Variants in CPA6 observed in about 807,000 individuals in gnomAD.
CPA6 encodes the protein carboxypeptidase A6, also known as carboxypeptidase B.
A neutral mutation model predicts 63.3 loss-of-function variants in CPA6; 58 were observed. The ratio of observed to expected loss-of-function variants is 0.92; its 90% CI spans 0.74 to 1.14. The LOEUF is 1.14. Ranked by LOEUF, CPA6 falls within the 50% of genes most tolerant of loss-of-function variation. CPA6 has a pLI of 0.00. For missense variants in CPA6, 565 were observed against 526.6 expected (o/e 1.07, Z -0.71); for synonymous variants, 185 against 179.0 (o/e 1.03, Z -0.27).
At chr8:67,640,979 T>C (rs1469841681) in intron 1 of CPA6, among the ~76,000 whole-genome samples, 3 of 151,660 alleles carry the variant, frequency 2.0e-5, no homozygotes, top group Non-Finnish European at 4.4e-5. Flanking sequence ...TGGGAGCACG[T>C]CCTGCCCAGC....
intron 8 of CPA6, among the ~76,000 whole-genome samples, chr8:67,439,448 G>A (rs1424435462): frequency 1.3e-5 from 2 of 152,060 alleles, no homozygotes; most frequent in South Asian, 2.1e-4. Context: ...AATTAGCCAG[G>A]TATGGTGGTG....
At chr8:67,539,772 CT>C (rs1239523625) in intron 2 of CPA6, among the ~76,000 whole-genome samples, 1 of 152,082 alleles carries the variant, frequency 6.6e-6, no homozygotes, top group African/African-American at 2.4e-5. Context: ...GGTATCCTTT[CT>C]TTTGCTTGAT....
Position 67,518,041 on chromosome 8 carries a change from G to C in CPA6, c.199C>G (p.Leu67Val). 1 of 1,594,386 alleles carries C rather than the reference G, an allele frequency of 6.3e-7. No homozygotes were observed. Among genetic ancestry groups the C allele is most frequent in the Non-Finnish European group, 8.5e-7 (1 of 1,172,552 alleles). ...KKISYQLKVD[L>V]WQPSSISYVS... is the part of the protein sequence containing the mutation. ...TAGGAGATACTGCTGGGCTGCCACA[G>C]GTCCACCTGTAGTGCAGGAACCAAC... Residue 67 changes from leucine to valine, a missense_variant, in exon 3 of 11, where the codon CTG becomes GTG. Leu to Val is a conservative substitution (Grantham distance 32, BLOSUM62 1). Coordinates refer to ENST00000297770, the MANE Select transcript of CPA6 (RefSeq NM_020361.5).
chr8:67,616,190 T>C (rs982266289), intron 2 of CPA6, among the ~76,000 whole-genome samples: 2 of 152,320 alleles, frequency 1.3e-5, no homozygotes, highest in South Asian at 2.1e-4. Flanking sequence ...TGGGGTTAGA[T>C]GTCAGTCTTT....
chr8:67,709,566 ACT>A (rs1349118709), intron 1 of CPA6, among the ~76,000 whole-genome samples: 1 of 152,130 alleles, frequency 6.6e-6, no homozygotes, highest in Non-Finnish European at 1.5e-5. Context: ...ATAAAATCAA[ACT>A]CTGTAAAATT....
intron 2 of CPA6, among the ~76,000 whole-genome samples, chr8:67,592,787 T>C (rs1309471592): frequency 1.3e-5 from 2 of 152,238 alleles, no homozygotes; most frequent in Admixed American, 6.5e-5. Context: ...TTTTCTTTAT[T>C]AGTCTTGCTA....
At chr8:67,518,591 C>T (rs181912761) in intron 2 of CPA6, among the ~76,000 whole-genome samples, 24 of 149,632 alleles carry the variant, frequency 1.6e-4, no homozygotes, top group Admixed American at 1.5e-3. Flanking sequence ...CCTGCAATCT[C>T]TGCCTCCTGG....
rs548296356 is a variant in CPA6 at position 67,633,014 on chromosome 8, T to C, written c.117-8763A>G. ...GACAATTTGAGCCAATTTTACTCAATATACCTACTATAATTTTGGATTTTT... is the reference window on the plus strand; with the variant it reads ...GACAATTTGAGCCAATTTTACTCAACATACCTACTATAATTTTGGATTTTT... On this transcript the variant is annotated intron_variant, in intron 1 of 10. Transcript: ENST00000297770. Among the ~76,000 whole-genome samples the C allele has an allele frequency of 6.6e-5, 10 of 152,346 alleles. No individual in the cohort carries two copies. In the South Asian group the frequency reaches 2.1e-3, roughly 32 times the overall value.
At chr8:67,548,465 C>T (rs1444887136) in intron 2 of CPA6, among the ~76,000 whole-genome samples, 2 of 151,668 alleles carry the variant, frequency 1.3e-5, no homozygotes, top group Admixed American at 6.6e-5. Flanking sequence ...CCATGTTGGC[C>T]AGGCTGGTCT....
At chr8:67,505,151 T>C (rs1326880939) in intron 6 of CPA6, among the ~76,000 whole-genome samples, 1 of 152,184 alleles carries the variant, frequency 6.6e-6, no homozygotes, top group African/African-American at 2.4e-5. Context: ...GAACCATTCA[T>C]ATCCTATGAG....
At chr8:67,551,372 T>C (rs921876532) in intron 2 of CPA6, among the ~76,000 whole-genome samples, 1 of 152,238 alleles carries the variant, frequency 6.6e-6, no homozygotes, top group South Asian at 2.1e-4. Context: ...TTGTATTCCA[T>C]TGGTCTATGT....
In CPA6 at chr8:67,573,655, G is replaced by A. The variant is rs981776511; in HGVS notation, c.192+50521C>T. On this transcript the variant is annotated intron_variant, in intron 2 of 10. Coordinates refer to ENST00000297770, the MANE Select transcript of CPA6 (RefSeq NM_020361.5). ...CACCTGTAATCCCAGCACTTTGGGA[G>A]GCCGAGGAGGGCGGATCACGAGGTC... Among the ~76,000 whole-genome samples, 5 of 152,166 alleles carry A rather than the reference G, an allele frequency of 3.3e-5. No homozygotes were observed. In the East Asian group the frequency reaches 9.7e-4, roughly 29 times the overall value.
intron 1 of CPA6, among the ~76,000 whole-genome samples, chr8:67,725,745 A>C (rs1434990561): frequency 6.6e-6 from 1 of 152,128 alleles, no homozygotes; most frequent in Non-Finnish European, 1.5e-5. Context: ...GGCTGGTCTC[A>C]AGCAATCTTG....
At chr8:67,561,863 G>GT (rs1289779587) in intron 2 of CPA6, among the ~76,000 whole-genome samples, 54 of 152,128 alleles carry the variant, frequency 3.5e-4, no homozygotes, top group African/African-American at 1.2e-3. Flanking sequence ...CAAATTTTCT[G>GT]TAAGTTTATT....
intron 9 of CPA6, among the ~76,000 whole-genome samples, chr8:67,428,603 C>G (rs1327376136): frequency 2.0e-5 from 3 of 152,342 alleles, no homozygotes; most frequent in East Asian, 1.9e-4. Flanking sequence ...CCTGCCTCAG[C>G]CTCCTGAGTA....
At chr8:67,496,566 ATTTTT>A (rs539068593) in intron 6 of CPA6, among the ~76,000 whole-genome samples, 2 of 89,014 alleles carry the variant, frequency 2.2e-5, no homozygotes, top group South Asian at 3.6e-4. Context: ...TATTTATTTT[ATTTTT>A]TTTTTTTGAG....
intron 10 of CPA6, among the ~76,000 whole-genome samples, 177 bp from the exon 11 acceptor site, chr8:67,422,868 T>G (rs951412233): frequency 6.6e-6 from 1 of 152,208 alleles, no homozygotes; most frequent in Non-Finnish European, 1.5e-5. Flanking sequence ...ATGGAACTTA[T>G]AAATCATCCC....
chr8:67,442,828 C>T (rs564282649), intron 8 of CPA6, among the ~76,000 whole-genome samples: 3 of 152,268 alleles, frequency 2.0e-5, no homozygotes, highest in East Asian at 3.9e-4. Context: ...GCCCACATTT[C>T]CCCACAGCTG....
chr8:67,498,718 A>G (rs1204833480), intron 6 of CPA6, among the ~76,000 whole-genome samples: 2 of 152,116 alleles, frequency 1.3e-5, no homozygotes, highest in African/African-American at 2.4e-5. Context: ...ATCATATGAT[A>G]TTGGTAATGG....
Sources: allele counts gnomAD v4.1 joint callset (sites outside exome capture counted in the v4.1 genomes callset), GRCh38; gene constraint gnomAD v4.1.1; transcripts MANE v1.5; gene names NCBI Gene and HGNC (gene_info 2026-07-23, HGNC 2026-07-21).